RHOJ: variants seen among roughly 807,000 people sequenced by gnomAD.
The protein encoded by RHOJ is ras homolog family member J.
Under a neutral mutation model 23.4 loss-of-function variants are expected in RHOJ, and 11 were observed. That is an observed-to-expected ratio of 0.47 (90% CI 0.30 to 0.78). The LOEUF (loss-of-function observed/expected upper bound fraction) is 0.78, where lower values mean the gene tolerates loss of function less well. Among genes scored for constraint, RHOJ ranks in the 30% least tolerant of loss-of-function variants. RHOJ has a pLI of 0.08. For synonymous variants in RHOJ, 102 were observed against 102.7 expected, an observed-to-expected ratio of 0.99 and a Z score of 0.04; for missense variants, 254 against 273.4, an observed-to-expected ratio of 0.93 and a Z score of 0.50.
At chr14:63,249,596 A>C (rs761752346) in intron 1 of RHOJ, among the ~76,000 whole-genome samples, 1 of 152,252 alleles carries the variant, frequency 6.6e-6, no homozygotes, top group Non-Finnish European at 1.5e-5. Flanking sequence ...AAGTGGACCT[A>C]GTTAGAGAAA....
intron 1 of RHOJ, among the ~76,000 whole-genome samples, chr14:63,250,667 C>G (rs1895054073): frequency 6.6e-6 from 1 of 152,194 alleles, no homozygotes; most frequent in African/African-American, 2.4e-5. Flanking sequence ...TGCTTGCACA[C>G]TCAACTTACT....
At chr14:63,274,583 A>G (rs1045646151) in intron 2 of RHOJ, among the ~76,000 whole-genome samples, 1 of 152,178 alleles carries the variant, frequency 6.6e-6, no homozygotes, top group African/African-American at 2.4e-5. Context: ...TGTTGTTGAT[A>G]TGGGCTGGAG....
chr14:63,245,107 T>C (rs561103991), intron 1 of RHOJ, among the ~76,000 whole-genome samples: 44 of 152,308 alleles, frequency 2.9e-4, no homozygotes, highest in African/African-American at 9.9e-4. Flanking sequence ...CATTCCCTCA[T>C]CCTCAATCAT....
At chr14:63,267,934 G>A (rs10162301) in intron 1 of RHOJ, among the ~76,000 whole-genome samples, 28,904 of 152,066 alleles carry the variant, frequency 0.19, 3,085 homozygotes, top group African/African-American at 0.29. Flanking sequence ...TTCAAAGAAC[G>A]AGCCATTAAG....
At position 63,264,090 on chromosome 14, in the gene RHOJ, G is replaced by A. The variant is rs114844984; in HGVS notation, c.179-5020G>A. ...CTGAGGTTTGGGGTGTGATAGTACC[G>A]ATCACCTGAGTACTATGCTTACTAC... On this transcript the variant is annotated intron_variant, in intron 1 of 4. Transcript: ENST00000316754. Among the ~76,000 whole-genome samples the A allele has an allele frequency of 3.8e-3, 571 of 151,944 alleles. 4 individuals are homozygous for A. Among genetic ancestry groups the A allele is most frequent in the African/African-American group, 0.013 (536 of 41,400 alleles).
intron 1 of RHOJ, among the ~76,000 whole-genome samples, chr14:63,238,820 A>C (rs1383701243): frequency 6.6e-6 from 1 of 152,194 alleles, no homozygotes; most frequent in Non-Finnish European, 1.5e-5. Context: ...ATTTTCATAT[A>C]TATCCGCACA....
At chr14:63,234,284 T>TAC (rs1307582593) in intron 1 of RHOJ, among the ~76,000 whole-genome samples, 1 of 152,194 alleles carries the variant, frequency 6.6e-6, no homozygotes, top group Non-Finnish European at 1.5e-5. Context: ...GCGCCTTTAT[T>TAC]ACAGCAGGGC....
intron 1 of RHOJ, among the ~76,000 whole-genome samples, chr14:63,229,625 G>A (rs74415385): frequency 1.1e-3 from 160 of 152,234 alleles, no homozygotes; most frequent in African/African-American, 3.6e-3. Flanking sequence ...CCCTCCATCT[G>A]CAAAGCTCTC....
chr14:63,214,939 G>A (rs1894321780), intron 1 of RHOJ, among the ~76,000 whole-genome samples: 1 of 152,134 alleles, frequency 6.6e-6, no homozygotes, highest in South Asian at 2.1e-4. Context: ...GAGAGCACCT[G>A]CCCTCATGGG....
chr14:63,204,778 A>G lies in RHOJ; in HGVS notation c.-92A>G, dbSNP rs1894069084. 3.7e-6 allele frequency: 5 copies of G among 1,334,742 alleles called. No homozygotes were observed. In the South Asian group the frequency reaches 5.2e-5, roughly 14 times the overall value. 82.7% of individuals were successfully genotyped at this position (1,334,742 alleles called of 1,614,324 possible). ...CCCAAAGTCAGACAGAGTAAACTCA[A>G]GCCTGGCACTGGCTTTCTGCCGCTT... On this transcript the variant is annotated 5_prime_UTR_variant, in exon 1 of 5. Coordinates refer to ENST00000316754, the MANE Select transcript of RHOJ (RefSeq NM_020663.5).
chr14:63,286,301 T>C (rs1381462058), intron 4 of RHOJ, among the ~76,000 whole-genome samples: 2 of 152,112 alleles, frequency 1.3e-5, no homozygotes, highest in Non-Finnish European at 2.9e-5. Flanking sequence ...ATAAACACAG[T>C]AACACACATC....
chr14:63,239,091 T>A (rs1269055523), intron 1 of RHOJ, among the ~76,000 whole-genome samples: 2 of 151,902 alleles, frequency 1.3e-5, no homozygotes, highest in East Asian at 3.9e-4. Context: ...AACTCATGGT[T>A]TTTTTTCTGT....
At chr14:63,287,140 T>C (rs950462117) in intron 4 of RHOJ, among the ~76,000 whole-genome samples, 1 of 152,246 alleles carries the variant, frequency 6.6e-6, no homozygotes, top group Admixed American at 6.5e-5. Context: ...TCACCTTTAC[T>C]ATATCCGTAA....
In RHOJ at chr14:63,292,298, T is replaced by C. The variant is rs1474113258; in HGVS notation, c.*1274T>C. ...CTCTGTATCCATTTGTCCCCTGCCC[T>C]CCACAATGTGTGACATAGAACAGGG... On this transcript the variant is annotated 3_prime_UTR_variant, in exon 5 of 5. Coordinates refer to ENST00000316754, the MANE Select transcript of RHOJ (RefSeq NM_020663.5). The C allele has an allele frequency of 6.6e-6, 1 of 152,164 alleles. No individual in the cohort carries two copies. Among genetic ancestry groups the C allele is most frequent in the Non-Finnish European group, 1.5e-5 (1 of 68,032 alleles). 9.4% of individuals were successfully genotyped at this position (152,164 alleles called of 1,614,324 possible).
At chr14:63,254,593 T>A (rs1408987359) in intron 1 of RHOJ, among the ~76,000 whole-genome samples, 1 of 152,062 alleles carries the variant, frequency 6.6e-6, no homozygotes, top group Non-Finnish European at 1.5e-5. Context: ...AGTAGCTCAT[T>A]GTGTGGGGGA....
intron 1 of RHOJ, among the ~76,000 whole-genome samples, chr14:63,208,921 A>G (rs1894172155): frequency 6.6e-6 from 1 of 151,448 alleles, no homozygotes. Context: ...TCCCCAAGCT[A>G]CTCTTCCCCT....
At chr14:63,272,307 A>G (rs770019158) in intron 2 of RHOJ, among the ~76,000 whole-genome samples, 32 of 150,860 alleles carry the variant, frequency 2.1e-4, no homozygotes, top group African/African-American at 1.7e-4. Context: ...TCTCAGTTGT[A>G]TTCTAGTAAA....
At chr14:63,240,337 GT>G (rs1894861754) in intron 1 of RHOJ, among the ~76,000 whole-genome samples, 2 of 152,106 alleles carry the variant, frequency 1.3e-5, no homozygotes, top group South Asian at 4.1e-4. Context: ...ACCATTAAGT[GT>G]TTTTTGGCAT....
chr14:63,248,239 TG>T (rs932281725), intron 1 of RHOJ, among the ~76,000 whole-genome samples: 1 of 152,144 alleles, frequency 6.6e-6, no homozygotes, highest in East Asian at 1.9e-4. Flanking sequence ...TAAATTCAAA[TG>T]GGGGCAAAAT....
Sources: gnomAD v4.1 joint callset for allele counts (sites outside exome capture counted in the v4.1 genomes callset) on GRCh38, gnomAD v4.1.1 for gene constraint, MANE v1.5 for transcripts, NCBI Gene and HGNC (gene_info 2026-07-23, HGNC 2026-07-21) for gene names.